PTPN12: variants seen among roughly 807,000 people sequenced by gnomAD.
PTPN12 encodes protein tyrosine phosphatase non-receptor type 12, also known as tyrosine-protein phosphatase non-receptor type 12.
In PTPN12, 29 loss-of-function variants were observed where a neutral mutation model predicts 97.6. That is an observed-to-expected ratio of 0.30 (90% CI 0.22 to 0.41). The LOEUF (loss-of-function observed/expected upper bound fraction) is 0.41. PTPN12 is among the 10% of genes least tolerant of loss of function. The probability of loss-of-function intolerance (pLI) is 1.00; values close to 1 mark genes in which losing one functional copy is unlikely to be tolerated. For synonymous variants in PTPN12, 327 were observed against 300.4 expected (o/e 1.09, Z -0.91); for missense variants, 819 against 926.0 (o/e 0.88, Z 1.50).
intron 1 of PTPN12, among the ~76,000 whole-genome samples, chr7:77,562,446 C>T (rs1347831892): frequency 1.1e-4 from 17 of 151,972 alleles, no homozygotes; most frequent in Admixed American, 1.1e-3. Context: ...AGAGTGTGCC[C>T]CTATGAAGAC....
intron 1 of PTPN12, chr7:77,563,809 T>C: frequency 4.5e-6 from 1 of 221,478 alleles, no homozygotes; most frequent in Non-Finnish European, 9.9e-6. Context: ...TGAATTTTGA[T>C]AGGCAGAGTT....
chr7:77,549,525 A>G (rs1807382201), intron 1 of PTPN12, among the ~76,000 whole-genome samples: 1 of 152,046 alleles, frequency 6.6e-6, no homozygotes. Context: ...TCAACATTAA[A>G]ATATGGAACC....
rs771218812 is a variant in PTPN12, at chr7:77,638,779, G to A, written c.2281+48G>A. ...TTTAGTAAGTAGTTAACACTGGCAG[G>A]AATGAGAAAAGCTCATTTGCCATTG... On this transcript the variant is annotated intron_variant, in intron 17 of 17. Coordinates refer to ENST00000248594, the MANE Select transcript of PTPN12 (RefSeq NM_002835.4). 1.2e-5 allele frequency: 18 copies of A among 1,547,782 alleles called. 1 individual carries two copies. In the South Asian group the frequency reaches 1.9e-4, roughly 16 times the overall value.
At chr7:77,601,159 C>G (rs887009664) in intron 8 of PTPN12, among the ~76,000 whole-genome samples, 3 of 152,104 alleles carry the variant, frequency 2.0e-5, no homozygotes, top group Non-Finnish European at 4.4e-5. Flanking sequence ...TTCCCTGAAA[C>G]AATGACCAAG....
At chr7:77,566,809 C>T (rs979771885) in intron 1 of PTPN12, among the ~76,000 whole-genome samples, 24 of 152,104 alleles carry the variant, frequency 1.6e-4, no homozygotes, top group Admixed American at 3.9e-4. Context: ...AAAAGTCACA[C>T]GATAAAGGGT....
chr7:77,600,673 A>T lies in PTPN12; in HGVS notation c.562A>T (p.Arg188Trp), dbSNP rs751910092. Residue 188 changes from arginine to tryptophan, a missense_variant, in exon 8 of 18, where the codon AGG (arginine) becomes TGG (tryptophan). Transcript: ENST00000248594. ...TCTGTTTTTCTTGAAGGAATCTCGT[A>T]GGCTGTATCAGTTTCATTATGTGAA... ...LLLEFQNESR[R>W]LYQFHYVNWP... 1 of 1,596,398 alleles carries T rather than the reference A, an allele frequency of 6.3e-7. No individual in the cohort carries two copies. The highest frequency in any genetic ancestry group is 2.2e-5 in the East Asian group (1 of 44,720).
At chr7:77,619,402 G>A (rs554002420) in intron 12 of PTPN12, among the ~76,000 whole-genome samples, 2 of 152,198 alleles carry the variant, frequency 1.3e-5, no homozygotes, top group East Asian at 1.9e-4. Flanking sequence ...TCATTCTAAC[G>A]AAATCATCTC....
At chr7:77,564,310 T>C (rs1426261878) in intron 1 of PTPN12, 2 of 152,318 alleles carry the variant, frequency 1.3e-5, no homozygotes, top group African/African-American at 4.8e-5. Flanking sequence ...TATTAATTTA[T>C]ATTTGGGGTT....
intron 6 of PTPN12, among the ~76,000 whole-genome samples, chr7:77,595,746 A>C (rs1437450927): frequency 6.6e-6 from 1 of 152,200 alleles, no homozygotes; most frequent in Non-Finnish European, 1.5e-5. Context: ...TAAAAATTAA[A>C]GCAGGTATAA....
intron 14 of PTPN12, among the ~76,000 whole-genome samples, chr7:77,634,202 GA>G (rs369555210): frequency 2.7e-5 from 4 of 146,154 alleles, no homozygotes; most frequent in Admixed American, 6.8e-5. Flanking sequence ...GTCTGTGGAA[GA>G]AAAAAAAAAG....
chr7:77,631,094 C>T (rs534758725), intron 13 of PTPN12, among the ~76,000 whole-genome samples: 1 of 152,126 alleles, frequency 6.6e-6, no homozygotes, highest in South Asian at 2.1e-4. Context: ...TGTGTCCCTT[C>T]CTTCCAACAG....
intron 1 of PTPN12, among the ~76,000 whole-genome samples, chr7:77,559,307 T>G (rs1256113150): frequency 6.6e-6 from 1 of 152,228 alleles, no homozygotes; most frequent in Non-Finnish European, 1.5e-5. Flanking sequence ...TCTTTGCTGC[T>G]TTTACTTTGT....
At chr7:77,608,740 C>G (rs73370334) in intron 9 of PTPN12, among the ~76,000 whole-genome samples, 2,622 of 152,164 alleles carry the variant, frequency 0.017, 68 homozygotes, top group African/African-American at 0.06. Flanking sequence ...AAAAAGCCCT[C>G]TGGGGTTAAA....
At chr7:77,624,804 A>G (rs1186512402) in intron 12 of PTPN12, among the ~76,000 whole-genome samples, 1 of 151,938 alleles carries the variant, frequency 6.6e-6, no homozygotes, top group African/African-American at 2.4e-5. Flanking sequence ...CTGGTTGGAT[A>G]AAAAAAGGTT....
At chr7:77,583,769 C>A in intron 4 of PTPN12, 119 bp downstream of exon 4, 1 of 588,902 alleles carries the variant, frequency 1.7e-6, no homozygotes, top group Non-Finnish European at 2.7e-6. Context: ...TTACTTATTG[C>A]TGATGTTTAC....
intron 9 of PTPN12, among the ~76,000 whole-genome samples, chr7:77,609,668 C>G (rs913965112): frequency 6.6e-6 from 1 of 151,954 alleles, no homozygotes; most frequent in African/African-American, 2.4e-5. Flanking sequence ...ATCACGAGGT[C>G]AGCAGATTGA....
chr7:77,598,123 A>G (rs1324779399), intron 7 of PTPN12, among the ~76,000 whole-genome samples: 1 of 152,130 alleles, frequency 6.6e-6, no homozygotes, highest in African/African-American at 2.4e-5. Context: ...CTCACTCAGA[A>G]GGCTGAGCCC....
intron 1 of PTPN12, among the ~76,000 whole-genome samples, chr7:77,541,534 C>T (rs748147542): frequency 9.2e-5 from 14 of 152,178 alleles, no homozygotes; most frequent in Non-Finnish European, 2.1e-4. Flanking sequence ...CATAAGATAG[C>T]TTCCCAGGAG....
rs869228015 is a variant in PTPN12 at position 77,571,698 on chromosome 7, TA to T, written c.208+513del. Among the ~76,000 whole-genome samples, 8 of 14,702 alleles carry T rather than the reference TA, an allele frequency of 5.4e-4. No homozygotes were observed. In the African/African-American group the frequency reaches 0.016, roughly 28 times the overall value. 9.6% of individuals were successfully genotyped at this position (14,702 alleles called of 152,430 possible). ...ATTGCATTACATTCTAATGATATTTTATTTATTTATTTATTTATTTATTTGT... is the reference window on the plus strand; with the variant it reads ...ATTGCATTACATTCTAATGATATTTTTTTATTTATTTATTTATTTATTTGT... On this transcript the variant is annotated intron_variant, in intron 2 of 17. Coordinates refer to ENST00000248594, the MANE Select transcript of PTPN12 (RefSeq NM_002835.4).
Sources: allele counts gnomAD v4.1 joint callset (sites outside exome capture counted in the v4.1 genomes callset), GRCh38; gene constraint gnomAD v4.1.1; transcripts MANE v1.5; gene names NCBI Gene and HGNC (gene_info 2026-07-23, HGNC 2026-07-21).